Variants in CAMSAP1 observed in about 807,000 individuals in gnomAD.
The protein encoded by CAMSAP1 is calmodulin-regulated spectrin-associated protein 1.
CAMSAP1 carries 58 observed loss-of-function variants against 143.5 expected under a neutral mutation model. That is an observed-to-expected ratio of 0.40 (90% CI 0.33 to 0.50). The LOEUF is 0.50. CAMSAP1 is among the 20% of genes least tolerant of loss of function. The probability of loss-of-function intolerance (pLI) is 0.45; values close to 1 mark genes in which losing one functional copy is unlikely to be tolerated. For missense variants in CAMSAP1, 1,969 were observed against 2,115.7 expected, an observed-to-expected ratio of 0.93 and a Z score of 1.36; for synonymous variants, 945 against 859.3, an observed-to-expected ratio of 1.10 and a Z score of -1.74.
chr9:135,873,993 C>T (rs9918957), intron 3 of CAMSAP1, among the ~76,000 whole-genome samples: 21,202 of 151,980 alleles, frequency 0.14, 1,665 homozygotes, highest in Non-Finnish European at 0.17. Flanking sequence ...AAATCGAATC[C>T]GTCAATATAT....
chr9:135,821,104 T>C lies in CAMSAP1; in HGVS notation c.3557A>G (p.Lys1186Arg). The C allele has an allele frequency of 6.2e-7, 1 of 1,613,842 alleles. No individual in the cohort carries two copies. Reference protein sequence around the residue: ...NQRTLTLSSSKDANILSEQMS... With the variant: ...NQRTLTLSSSRDANILSEQMS... ...CTGCTCCGAAAGAATGTTGGCATCT[T>C]TGGAAGAGGACAGAGTAAGTGTCCG... Residue 1186 changes from lysine (K) to arginine (R), a missense_variant, in exon 11 of 17, where the codon AAA becomes AGA. By Grantham distance (26) the Lys-to-Arg change is conservative. Around this residue, in one of 4 missense-constraint regions of CAMSAP1, gnomAD observed 1,390 missense variants for 1,420.8 expected, o/e 0.98. Transcript: ENST00000389532. The surrounding 1 kb of genome is among the most constrained non-coding windows in gnomAD (Gnocchi z 4.6).
intron 5 of CAMSAP1, among the ~76,000 whole-genome samples, chr9:135,856,938 G>A (rs1223067266): frequency 6.6e-6 from 1 of 152,158 alleles, no homozygotes; most frequent in East Asian, 1.9e-4. Context: ...TCCTCTTCAG[G>A]ATGGTGTGCG....
At chr9:135,870,584 G>A (rs1428704180) in intron 3 of CAMSAP1, among the ~76,000 whole-genome samples, 6 of 152,008 alleles carry the variant, frequency 3.9e-5, no homozygotes, top group South Asian at 2.1e-4. Flanking sequence ...ACTTGAAGGC[G>A]AGGATATCAA....
At position 135,823,180 on chromosome 9, in the gene CAMSAP1, C is replaced by G. The variant is rs777963183; in HGVS notation, c.1481G>C (p.Ser494Thr). The change falls in exon 11 of 17, where the codon AGC (serine) becomes ACC (threonine). Residue 494 changes from serine to threonine, a missense_variant. Around this residue, in one of 4 missense-constraint regions of CAMSAP1, gnomAD observed 1,390 missense variants for 1,420.8 expected, o/e 0.98. Coordinates refer to ENST00000389532, the MANE Select transcript of CAMSAP1 (RefSeq NM_015447.4). ...EVDPSSGDSI[S>T]LARSISKDSL... is the part of the protein sequence containing the mutation. ...GTCTTTGCTGATGGAGCGGGCCAAG[C>G]TGATGCTGTCGCCAGAGCTGGGATC... 6 of 1,601,322 alleles carry G rather than the reference C, an allele frequency of 3.7e-6. No homozygotes were observed. Among genetic ancestry groups the G allele is most frequent in the South Asian group, 1.1e-5 (1 of 89,346 alleles).
chr9:135,832,615 C>T (rs372458992), intron 7 of CAMSAP1, among the ~76,000 whole-genome samples: 1 of 152,092 alleles, frequency 6.6e-6, no homozygotes, highest in African/African-American at 2.4e-5. Flanking sequence ...CACTGCAGAT[C>T]CAAGGTCCTA....
intron 7 of CAMSAP1, among the ~76,000 whole-genome samples, chr9:135,833,958 C>T (rs1041110410): frequency 6.6e-6 from 1 of 152,124 alleles, no homozygotes; most frequent in Non-Finnish European, 1.5e-5. Flanking sequence ...GCAACTCAAT[C>T]GCAAAAATAC....
At chr9:135,879,265 G>C (rs1363385971) in intron 3 of CAMSAP1, among the ~76,000 whole-genome samples, 1 of 152,104 alleles carries the variant, frequency 6.6e-6, no homozygotes, top group Admixed American at 6.5e-5. Context: ...TGATGTCTCT[G>C]GTTACAAGGA....
intron 3 of CAMSAP1, 30 bp from the exon 4 acceptor site, chr9:135,866,566 G>GT: frequency 9.8e-7 from 1 of 1,023,168 alleles, no homozygotes; most frequent in Middle Eastern, 2.0e-4. Flanking sequence ...CATTAAAGAG[G>GT]TAATTGCTGT....
In CAMSAP1 at chr9:135,826,674, C is replaced by T. The variant is rs1470960077; in HGVS notation, c.1223+733G>A. 6.6e-6 allele frequency among the ~76,000 whole-genome samples: 1 copy of T among 152,204 alleles called. No homozygotes were observed. The highest frequency in any genetic ancestry group is 1.5e-5 in the Non-Finnish European group (1 of 68,044). On this transcript the variant is annotated intron_variant, in intron 8 of 16. Transcript: ENST00000389532. This position sits in a 1 kb window ranked among gnomAD's most constrained non-coding sequence, Gnocchi z 4.4. ...TTTAAATAGCGTCTTCATCTTAAAT[C>T]CCAACTTAAATCGCCACATGTTAAA...
intron 7 of CAMSAP1, among the ~76,000 whole-genome samples, chr9:135,827,870 G>A (rs1277130041): frequency 1.3e-5 from 2 of 152,196 alleles, no homozygotes; most frequent in Admixed American, 6.5e-5. Flanking sequence ...TCTAGCACCC[G>A]CACAAAAGCC....
chr9:135,889,098 C>G (rs1838215553), intron 1 of CAMSAP1, among the ~76,000 whole-genome samples: 2 of 152,188 alleles, frequency 1.3e-5, no homozygotes, highest in African/African-American at 4.8e-5. Context: ...CTGGCCACTC[C>G]TGAAGCAACT....
At chr9:135,849,308 T>C (rs754837729) in intron 7 of CAMSAP1, among the ~76,000 whole-genome samples, 1 of 152,230 alleles carries the variant, frequency 6.6e-6, no homozygotes, top group Non-Finnish European at 1.5e-5. Flanking sequence ...AAAATGGTTG[T>C]AGGGCACAGG....
intron 7 of CAMSAP1, among the ~76,000 whole-genome samples, chr9:135,829,070 T>C (rs553305342): frequency 6.6e-6 from 1 of 152,296 alleles, no homozygotes; most frequent in East Asian, 1.9e-4. Context: ...ATTCTTCATA[T>C]TGAATCAACA....
At chr9:135,894,431 A>G (rs1423447324) in intron 1 of CAMSAP1, among the ~76,000 whole-genome samples, 1 of 152,190 alleles carries the variant, frequency 6.6e-6, no homozygotes, top group Non-Finnish European at 1.5e-5. Flanking sequence ...CACCCCTCAG[A>G]GGCAGGGGTG....
At position 135,882,461 on chromosome 9, in the gene CAMSAP1, TA is replaced by T. The variant is rs951635169; in HGVS notation, c.423+354del. ...GAGAAAAAGGCAGACTGAGTTATTT[TA>T]GCACAAAGTATGCATGAAACAACCT... On this transcript the variant is annotated intron_variant, in intron 2 of 16. Transcript: ENST00000389532. This position sits in a 1 kb window ranked among gnomAD's most constrained non-coding sequence, Gnocchi z 4.9. 2.0e-5 allele frequency among the ~76,000 whole-genome samples: 3 copies of T among 152,188 alleles called. No homozygotes were observed. The highest frequency in any genetic ancestry group is 7.2e-5 in the African/African-American group (3 of 41,426).
chr9:135,822,103 G>A lies in CAMSAP1; in HGVS notation c.2558C>T (p.Thr853Met), dbSNP rs752558174. ...DASESCPAPL[T>M]TWRQKREQSP... is the part of the protein sequence containing the mutation. The stretch of plus-strand genomic sequence containing the variant: ...CTGCTCCCTCTTCTGCCTCCACGTC[G>A]TCAGAGGGGCTGGGCAGCTCTCAGA... The change falls in exon 11 of 17, where the codon ACG (threonine) becomes ATG (methionine). Residue 853 changes from threonine (T) to methionine (M), a missense_variant. Thr to Met is a moderately conservative substitution (Grantham distance 81, BLOSUM62 -1). Coordinates refer to ENST00000389532, the MANE Select transcript of CAMSAP1 (RefSeq NM_015447.4). This position sits in a 1 kb window ranked among gnomAD's most constrained non-coding sequence, Gnocchi z 6.1. The A allele has an allele frequency of 1.8e-5, 29 of 1,613,010 alleles. No individual in the cohort carries two copies. The highest frequency in any genetic ancestry group is 9.9e-5 in the South Asian group (9 of 91,078).
intron 1 of CAMSAP1, among the ~76,000 whole-genome samples, chr9:135,895,212 A>C (rs190629546): frequency 1.2e-4 from 18 of 152,260 alleles, no homozygotes; most frequent in Admixed American, 2.0e-4. Flanking sequence ...ATGTTGAATG[A>C]CAGGAATGAA....
chr9:135,839,080 C>T (rs1321668999), intron 7 of CAMSAP1, among the ~76,000 whole-genome samples: 1 of 152,254 alleles, frequency 6.6e-6, no homozygotes, highest in East Asian at 1.9e-4. Flanking sequence ...ACCCGTTCTG[C>T]AGACACACTT....
At chr9:135,899,026 T>G (rs919569764) in intron 1 of CAMSAP1, among the ~76,000 whole-genome samples, 1 of 152,104 alleles carries the variant, frequency 6.6e-6, no homozygotes, top group Non-Finnish European at 1.5e-5. Context: ...GCAAAAAAGA[T>G]CTACACAACA....
Sources: allele counts gnomAD v4.1 joint callset (sites outside exome capture counted in the v4.1 genomes callset), GRCh38; gene constraint gnomAD v4.1.1; regional missense constraint gnomAD v4.1.1; non-coding constraint Gnocchi (gnomAD v3.1); transcripts MANE v1.5; gene names NCBI Gene and HGNC (gene_info 2026-07-23, HGNC 2026-07-21).